The following AMPD3 variants were observed in gnomAD, a reference collection of about 807,000 sequenced individuals.
AMPD3 encodes adenosine monophosphate deaminase 3.
A neutral mutation model predicts 82.3 loss-of-function variants in AMPD3; 57 were observed. The observed-to-expected ratio is 0.69, with a 90% CI of 0.56 to 0.86. The LOEUF (loss-of-function observed/expected upper bound fraction) is 0.86. Ranked by LOEUF, AMPD3 falls within the 40% of genes least tolerant of loss-of-function variation. The pLI is 0.00. For synonymous variants in AMPD3, 381 were observed against 394.7 expected, an observed-to-expected ratio of 0.97 and a Z score of 0.41; for missense variants, 870 against 1,003.8, an observed-to-expected ratio of 0.87 and a Z score of 1.80.
At position 10,476,064 on chromosome 11, in the gene AMPD3, C is replaced by A. The variant is rs1198092330; in HGVS notation, c.222-2462C>A. Among the ~76,000 whole-genome samples, 5 of 152,164 alleles carry A rather than the reference C, an allele frequency of 3.3e-5. No individual in the cohort carries two copies. In the East Asian group the frequency reaches 7.7e-4, roughly 23 times the overall value. On this transcript the variant is annotated intron_variant, in intron 2 of 14. Transcript: ENST00000396553. The stretch of plus-strand genomic sequence containing the variant: ...GCTAATAAATAGCTGTTGTTTTAAG[C>A]CATCAAGTTTGTGGCAATTTGTTCT...
In AMPD3 at chr11:10,494,978, A is replaced by G; in HGVS notation, c.1214A>G (p.Tyr405Cys). The change falls in exon 8 of 15, where the codon TAT becomes TGT. Residue 405 changes from tyrosine (Y) to cysteine (C), a missense_variant. Transcript: ENST00000396553. ...PVGASELRDL[Y>C]LKTENYLGGE... ...GGGGCCAGTGAGCTGCGTGACCTGTATTTGAAAACTGAAAACTATCTGGGA... is the reference window on the plus strand; with the variant it reads ...GGGGCCAGTGAGCTGCGTGACCTGTGTTTGAAAACTGAAAACTATCTGGGA... 6.2e-7 allele frequency: 1 copy of G among 1,614,212 alleles called. No homozygotes were observed. Among genetic ancestry groups the G allele is most frequent in the Non-Finnish European group, 8.5e-7 (1 of 1,180,018 alleles).
At chr11:10,477,708 G>A (rs975898117) in intron 2 of AMPD3, among the ~76,000 whole-genome samples, 1 of 152,184 alleles carries the variant, frequency 6.6e-6, no homozygotes, top group East Asian at 1.9e-4. Flanking sequence ...CTCTAGCAGC[G>A]GCAGTCAGGA....
At chr11:10,495,056 G>GGTCTCTCAGGT (rs1849352140) in intron 8 of AMPD3, 26 bp downstream of exon 8, 1 of 1,613,946 alleles carries the variant, frequency 6.2e-7, no homozygotes, top group Non-Finnish European at 8.5e-7. Context: ...GTCTCTCTGA[G>GGTCTCTCAGGT]GCCTCTCAGG....
rs1849101044 is a variant in AMPD3 at position 10,487,265 on chromosome 11, T to C, written c.840T>C (p.Phe280=). 1.2e-6 allele frequency: 2 copies of C among 1,614,150 alleles called. No homozygotes were observed. The highest frequency in any genetic ancestry group is 1.7e-6 in the Non-Finnish European group (2 of 1,180,028). The part of the protein sequence containing the change: ...TKTYCHRRLN[F]LESKFSLHEM... ...CCTATTGTCACCGGCGACTGAACTT[T>C]CTGGAATCCAAGTTCAGCCTTCATG... is the stretch of plus-strand genomic sequence containing the variant. The change falls in exon 6 of 15, where the codon TTT becomes TTC. Residue 280 remains phenylalanine, a synonymous_variant. Coordinates refer to ENST00000396553, the MANE Select transcript of AMPD3 (RefSeq NM_001025389.2).
chr11:10,454,097 A>G (rs1261263327), upstream of AMPD3, among the ~76,000 whole-genome samples: 2 of 152,244 alleles, frequency 1.3e-5, no homozygotes, highest in East Asian at 3.8e-4. Context: ...CCACAGAGAC[A>G]TCTTGGCTGC....
Position 10,478,541 on chromosome 11 carries a change from G to C in AMPD3, c.237G>C (p.Lys79Asn). The C allele has an allele frequency of 6.2e-7, 1 of 1,614,194 alleles. No individual in the cohort carries two copies. Residue 79 changes from lysine (K) to asparagine (N), a missense_variant, in exon 3 of 15, where the codon AAG (lysine) becomes AAC (asparagine). Lys to Asn is a moderately conservative substitution (Grantham distance 94, BLOSUM62 0). Coordinates refer to ENST00000396553, the MANE Select transcript of AMPD3 (RefSeq NM_001025389.2). ...VETAKRKKSF[K>N]MIRSQSLSLQ... ...TGGCTCTTAGAAAGAAAAGTTTCAA[G>C]ATGATTCGGTCCCAGTCCCTGTCTC...
chr11:10,456,311 A>T lies in AMPD3; in HGVS notation c.-6+863A>T. 6.2e-7 allele frequency: 1 copy of T among 1,609,190 alleles called. No homozygotes were observed. Among genetic ancestry groups the T allele is most frequent in the Non-Finnish European group, 8.5e-7 (1 of 1,176,718 alleles). On this transcript the variant is annotated intron_variant, in intron 1 of 14. Coordinates refer to ENST00000396553, the MANE Select transcript of AMPD3 (RefSeq NM_001025389.2). The surrounding 1 kb of genome is among the most constrained non-coding windows in gnomAD (Gnocchi z 4.3). ...CCCAGCCAGCTGCACGCACGCACTG[A>T]CTCAGCTGAGCCTCCTGGGTGGCAG...
Position 10,496,912 on chromosome 11 carries a change from C to T in AMPD3, c.1531C>T (p.Arg511Ter), listed in dbSNP as rs150860475. The change falls in exon 10 of 15, where the codon CGA becomes TGA. Residue 511 changes from arginine (R) to a stop codon, truncating the protein, a stop_gained. Transcript: ENST00000396553. LOFTEE classifies it high-confidence loss of function. ...GGCCACTATCAACCCCCAAGATCAT[C>T]GAGAGCTTCACCTCTTCCTTAAATA... ...FKATINPQDHRELHLFLKYVT... is the reference protein window; with the variant it reads ...FKATINPQDH The T allele has an allele frequency of 7.1e-5, 114 of 1,614,110 alleles. No homozygotes were observed. Among genetic ancestry groups the T allele is most frequent in the Middle Eastern group, 1.6e-4 (1 of 6,062 alleles).
chr11:10,485,227 C>A (rs970938663), intron 5 of AMPD3, among the ~76,000 whole-genome samples, 188 bp downstream of exon 5: 4 of 152,106 alleles, frequency 2.6e-5, no homozygotes, highest in Non-Finnish European at 5.9e-5. Context: ...GCTGGCATAG[C>A]CTTTGACTTG....
intron 9 of AMPD3, chr11:10,496,478 G>A: frequency 1.0e-6 from 1 of 985,402 alleles, no homozygotes; most frequent in Non-Finnish European, 1.2e-6. Context: ...AAACAGAGCT[G>A]AGTAACAGAA....
intron 2 of AMPD3, chr11:10,476,901 C>T (rs901310860): frequency 7.2e-6 from 7 of 974,068 alleles, no homozygotes; most frequent in South Asian, 4.8e-5. Flanking sequence ...TTGAGTTTCC[C>T]GAAGCAGTCC....
upstream of AMPD3, chr11:10,450,613 G>A (rs967345099): frequency 1.1e-5 from 11 of 992,612 alleles, no homozygotes; most frequent in Non-Finnish European, 1.2e-5. Context: ...GGGCTGCGGC[G>A]CGGGCCCCGC....
intron 5 of AMPD3, chr11:10,486,713 G>A: frequency 1.2e-5 from 12 of 985,424 alleles, no homozygotes; most frequent in Non-Finnish European, 1.4e-5. Context: ...AAGGTGGGCA[G>A]GTCATGCCTT....
chr11:10,455,206 A>C, upstream of AMPD3: 1 of 985,508 alleles, frequency 1.0e-6, no homozygotes, highest in Non-Finnish European at 1.2e-6. Context: ...GTTATTTCCC[A>C]GGACCACAGG....
At chr11:10,457,629 C>T (rs1215828853) in intron 1 of AMPD3, among the ~76,000 whole-genome samples, 2 of 152,170 alleles carry the variant, frequency 1.3e-5, no homozygotes, top group Non-Finnish European at 2.9e-5. Context: ...GGTATGATGG[C>T]TCACACCTAT....
At chr11:10,450,517 C>T (rs7938316), upstream of AMPD3, 394,331 of 985,708 alleles carry the variant, frequency 0.4, 79,818 homozygotes, top group East Asian at 0.7. Flanking sequence ...GGACGTCGGG[C>T]AAGCCCGGGC....
chr11:10,455,152 C>G (rs1436284361), upstream of AMPD3: 1 of 985,266 alleles, frequency 1.0e-6, no homozygotes, highest in East Asian at 1.1e-4. Flanking sequence ...AGCTCTTCTC[C>G]CCAGGATTTC....
intron 1 of AMPD3, among the ~76,000 whole-genome samples, chr11:10,459,571 G>C (rs1366325075): frequency 6.6e-6 from 1 of 152,096 alleles, no homozygotes; most frequent in Non-Finnish European, 1.5e-5. Context: ...CTCCATTCTT[G>C]TCTGTCTGGT....
At chr11:10,499,978 G>C in intron 10 of AMPD3, 108 bp from the exon 11 acceptor site, 2 of 1,553,284 alleles carry the variant, frequency 1.3e-6, no homozygotes, top group Non-Finnish European at 1.7e-6. Flanking sequence ...GTGTGAACCT[G>C]AGGGGCCCAG....
Sources: gnomAD v4.1 joint callset for allele counts (sites outside exome capture counted in the v4.1 genomes callset) on GRCh38, gnomAD v4.1.1 for gene constraint, Gnocchi (gnomAD v3.1) non-coding constraint, MANE v1.5 for transcripts, NCBI Gene and HGNC (gene_info 2026-07-23, HGNC 2026-07-21) for gene names.